Variants in KDM4B observed in about 807,000 individuals in gnomAD.
KDM4B encodes the protein lysine demethylase 4B.
In KDM4B, 32 loss-of-function variants were observed where a neutral mutation model predicts 125.2. That is an observed-to-expected ratio of 0.26 (90% CI 0.19 to 0.34). The LOEUF (loss-of-function observed/expected upper bound fraction) is 0.34. KDM4B is among the 10% of genes least tolerant of loss of function. The pLI is 1.00. For missense variants in KDM4B, 1,190 were observed against 1,577.7 expected (o/e 0.75, Z 4.16); for synonymous variants, 721 against 677.9 (o/e 1.06, Z -0.99).
At chr19:5,135,628 G>A in intron 15 of KDM4B, 67 bp downstream of exon 15, 1 of 1,372,362 alleles carries the variant, frequency 7.3e-7, no homozygotes, top group East Asian at 2.5e-5. Context: ...GGTGCCGGTG[G>A]GGGCTCCATC....
chr19:5,126,190 C>T (rs1170440029), intron 11 of KDM4B, among the ~76,000 whole-genome samples: 1 of 152,146 alleles, frequency 6.6e-6, no homozygotes, highest in East Asian at 1.9e-4. Flanking sequence ...GGAGGAAGCC[C>T]CTCAGGAGGA....
At chr19:4,977,468 T>G (rs530402170) in intron 1 of KDM4B, among the ~76,000 whole-genome samples, 1 of 152,182 alleles carries the variant, frequency 6.6e-6, no homozygotes, top group Non-Finnish European at 1.5e-5. Flanking sequence ...GTGGCAGGAT[T>G]TCCCCCTGCA....
At chr19:5,139,300 T>C (rs59688837) in intron 18 of KDM4B, among the ~76,000 whole-genome samples, 392 of 152,274 alleles carry the variant, frequency 2.6e-3, no homozygotes, top group African/African-American at 9.0e-3. Flanking sequence ...GGCTCAGTGA[T>C]GTGCCACCAT....
chr19:5,119,246 C>T (rs1025813754), intron 10 of KDM4B: 83 of 1,420,588 alleles, frequency 5.8e-5, no homozygotes, highest in Middle Eastern at 3.5e-4. Context: ...TTCCGTTTGT[C>T]GTCTAGGCAT....
At position 5,082,852 on chromosome 19, in the gene KDM4B, CCCCTGCTGGCTGGCT is replaced by C. The variant is rs141649076; in HGVS notation, c.918+351_918+365del. On this transcript the variant is annotated intron_variant, in intron 9 of 22. Transcript: ENST00000159111. The surrounding 1 kb of genome is among the most constrained non-coding windows in gnomAD (Gnocchi z 5.4). ...GTTTCCTCCACCAGCACCATTGTCC[CCCCTGCTGGCTGGCT>C]CCTGGGCATCTCCTGGCCATCATGG... 0.068 allele frequency among the ~76,000 whole-genome samples: 10,408 copies of C among 152,246 alleles called. 446 individuals are homozygous for C. Among genetic ancestry groups the C allele is most frequent in the Middle Eastern group, 0.14 (40 of 294 alleles).
chr19:5,098,422 G>T (rs2038869236), intron 9 of KDM4B, among the ~76,000 whole-genome samples: 1 of 152,184 alleles, frequency 6.6e-6, no homozygotes, highest in Non-Finnish European at 1.5e-5. Context: ...GAGAACAGCT[G>T]CCCTGCCTGT....
rs566792886 is a variant in KDM4B, at chr19:5,009,355, T to C, written c.-108-6902T>C. Among the ~76,000 whole-genome samples, 10 of 152,324 alleles carry C rather than the reference T, an allele frequency of 6.6e-5. No homozygotes were observed. The East Asian group carries it at 1.9e-3, about 29-fold the overall frequency. On this transcript the variant is annotated intron_variant, in intron 1 of 22. Transcript: ENST00000159111. ...GCAGAGGTTGGTGACAAATGTCAGCTTTTCAGTTCTTTCACTCAAGAAGGA... is the reference window on the plus strand; with the variant it reads ...GCAGAGGTTGGTGACAAATGTCAGCCTTTCAGTTCTTTCACTCAAGAAGGA...
chr19:5,139,132 C>G (rs577791206), intron 18 of KDM4B, among the ~76,000 whole-genome samples: 15 of 152,282 alleles, frequency 9.9e-5, no homozygotes, highest in African/African-American at 3.6e-4. Flanking sequence ...CTATGTTGCC[C>G]AGGCTGGTTT....
chr19:5,014,339 C>T (rs2035823698), intron 1 of KDM4B, among the ~76,000 whole-genome samples: 3 of 152,156 alleles, frequency 2.0e-5, no homozygotes, highest in South Asian at 2.1e-4. Flanking sequence ...TGCAGTGGCA[C>T]GATCTCGGCT....
At chr19:4,986,294 C>G (rs145114688) in intron 1 of KDM4B, among the ~76,000 whole-genome samples, 1 of 152,328 alleles carries the variant, frequency 6.6e-6, no homozygotes, top group South Asian at 2.1e-4. Context: ...GACCCGAGCT[C>G]GTGAACTCTG....
chr19:5,060,433 C>CAAAAAAAAAAAAAAAAA lies in KDM4B; in HGVS notation c.627-10563_627-10547dup, dbSNP rs901472663. Reference sequence around the variant, plus strand: ...GGGTGACGGAGGAAGACTCTGTCTCCAAAAAAAAAAAAAAAAAAAAAAAAA... The same window carrying CAAAAAAAAAAAAAAAAA: ...GGGTGACGGAGGAAGACTCTGTCTCCAAAAAAAAAAAAAAAAAAAAAAAAAAAAAAAAAAAAAAAAAA... On this transcript the variant is annotated intron_variant, in intron 6 of 22. Coordinates refer to ENST00000159111, the MANE Select transcript of KDM4B (RefSeq NM_015015.3). Among the ~76,000 whole-genome samples, 16 of 32,976 alleles carry CAAAAAAAAAAAAAAAAA rather than the reference C, an allele frequency of 4.9e-4. 1 individual carries two copies. Among genetic ancestry groups the CAAAAAAAAAAAAAAAAA allele is most frequent in the East Asian group, 1.6e-3 (1 of 634 alleles). The allele number at this position is 32,976 out of a possible 152,430, so 21.6% of individuals were successfully genotyped here.
intron 3 of KDM4B, among the ~76,000 whole-genome samples, chr19:5,033,670 A>G (rs2036528636): frequency 6.6e-6 from 1 of 152,226 alleles, no homozygotes; most frequent in Non-Finnish European, 1.5e-5. Context: ...CAGCGCAGGT[A>G]CATAGTGACC....
At chr19:5,015,631 C>G (rs1475262617) in intron 1 of KDM4B, among the ~76,000 whole-genome samples, 2 of 152,172 alleles carry the variant, frequency 1.3e-5, no homozygotes, top group African/African-American at 4.8e-5. Context: ...AGGAGGATCA[C>G]TTGAGGCCAG....
intron 10 of KDM4B, among the ~76,000 whole-genome samples, chr19:5,111,118 AG>A (rs1236956682): frequency 3.9e-5 from 6 of 151,968 alleles, no homozygotes; most frequent in African/African-American, 1.5e-4. Context: ...TGTCCCCGCC[AG>A]GAGGCTGACC....
Position 4,994,565 on chromosome 19 carries a change from C to CAAA in KDM4B, c.-108-21668_-108-21666dup, listed in dbSNP as rs397820720. Among the ~76,000 whole-genome samples, 52 of 45,616 alleles carry CAAA rather than the reference C, an allele frequency of 1.1e-3. 3 individuals carry two copies. The highest frequency in any genetic ancestry group is 1.7e-3 in the African/African-American group (20 of 11,868). The allele number at this position is 45,616 out of a possible 152,430, so 29.9% of individuals were successfully genotyped here. A position where few individuals can be genotyped will look rare whatever the true frequency, so the allele number is the denominator to read the frequency against. ...GCAACAAGAGTGAAACTCTGTCTCT[C>CAAA]AAAAAAAAAAAAAAAAAAAAAAAAA... On this transcript the variant is annotated intron_variant, in intron 1 of 22. Coordinates refer to ENST00000159111, the MANE Select transcript of KDM4B (RefSeq NM_015015.3).
Position 5,012,883 on chromosome 19 carries a change from G to A in KDM4B, c.-108-3374G>A, listed in dbSNP as rs75805615. Among the ~76,000 whole-genome samples, 487 of 152,336 alleles carry A rather than the reference G, an allele frequency of 3.2e-3. 5 individuals carry two copies. Among genetic ancestry groups the A allele is most frequent in the African/African-American group, 0.011 (455 of 41,578 alleles). ...TGTGCACTGATGGAAGGAAGTCACC[G>A]CATAGCCCATGCGTAAGGAATAGGG... On this transcript the variant is annotated intron_variant, in intron 1 of 22. Coordinates refer to ENST00000159111, the MANE Select transcript of KDM4B (RefSeq NM_015015.3).
chr19:4,977,238 G>A (rs1035591222), intron 1 of KDM4B, among the ~76,000 whole-genome samples: 3 of 152,312 alleles, frequency 2.0e-5, no homozygotes, highest in African/African-American at 7.2e-5. Flanking sequence ...AAGTTGCTCT[G>A]TGGCTCTGGA....
At chr19:5,098,000 C>T (rs2038861507) in intron 9 of KDM4B, among the ~76,000 whole-genome samples, 2 of 152,244 alleles carry the variant, frequency 1.3e-5, no homozygotes, top group Admixed American at 6.5e-5. Context: ...TGGAAGGTTT[C>T]TGCATGTTTG....
chr19:5,005,585 G>A (rs969050974), intron 1 of KDM4B, among the ~76,000 whole-genome samples: 2 of 152,118 alleles, frequency 1.3e-5, no homozygotes, highest in African/African-American at 4.8e-5. Flanking sequence ...GGGTGGTGGG[G>A]GTTCACCTTC....
Sources: gnomAD v4.1 joint callset for allele counts (sites outside exome capture counted in the v4.1 genomes callset) on GRCh38, gnomAD v4.1.1 for gene constraint, Gnocchi (gnomAD v3.1) non-coding constraint, MANE v1.5 for transcripts, NCBI Gene and HGNC (gene_info 2026-07-23, HGNC 2026-07-21) for gene names.